The following TTC38 variants were observed in gnomAD, a reference collection of about 807,000 sequenced individuals.
The protein encoded by TTC38 is tetratricopeptide repeat domain 38.
In TTC38, 64 loss-of-function variants were observed where a neutral mutation model predicts 64.2. The ratio of observed to expected loss-of-function variants is 1.00; its 90% CI spans 0.81 to 1.23. The LOEUF (loss-of-function observed/expected upper bound fraction) is 1.23. TTC38 is among the 50% of genes most tolerant of loss of function. TTC38 has a pLI of 0.00. For synonymous variants in TTC38, 254 were observed against 249.3 expected (o/e 1.02, Z -0.18); for missense variants, 573 against 615.5 (o/e 0.93, Z 0.73).
intron 10 of TTC38, 53 bp from the exon 11 acceptor site, chr22:46,288,370 G>C (rs1381739845): frequency 1.3e-6 from 2 of 1,573,164 alleles, no homozygotes; most frequent in African/African-American, 2.7e-5. Flanking sequence ...CCTTGCACGG[G>C]ACATGCCCCA....
rs1936959783 is a variant in TTC38, at chr22:46,274,195, G to A, written c.365+126G>A. 3.6e-6 allele frequency: 3 copies of A among 825,994 alleles called. No homozygotes were observed. Among genetic ancestry groups the A allele is most frequent in the Non-Finnish European group, 5.6e-6 (3 of 533,956 alleles). 51.2% of individuals were successfully genotyped at this position (825,994 alleles called of 1,614,324 possible). Reference sequence around the variant, plus strand: ...GAGAATGCTTCTCTCCCTGCCTCCTGAGATGCTCTGATGGAAAATCGCATC... The same window carrying A: ...GAGAATGCTTCTCTCCCTGCCTCCTAAGATGCTCTGATGGAAAATCGCATC... On this transcript the variant is annotated intron_variant, in intron 4 of 13. Transcript: ENST00000381031. This position sits in a 1 kb window ranked among gnomAD's most constrained non-coding sequence, Gnocchi z 4.8.
Position 46,274,894 on chromosome 22 carries a change from C to T in TTC38, c.366-354C>T, listed in dbSNP as rs577315960. 1.3e-4 allele frequency among the ~76,000 whole-genome samples: 20 copies of T among 152,278 alleles called. No individual in the cohort carries two copies. The highest frequency in any genetic ancestry group is 3.6e-4 in the African/African-American group (15 of 41,556). Reference sequence around the variant, plus strand: ...AGGCTGGAATGCAGTGGCGCAATCTCGGCTCACTGCCTCCACCTCCCGGGT... The same window carrying T: ...AGGCTGGAATGCAGTGGCGCAATCTTGGCTCACTGCCTCCACCTCCCGGGT... On this transcript the variant is annotated intron_variant, in intron 4 of 13. Coordinates refer to ENST00000381031, the MANE Select transcript of TTC38 (RefSeq NM_017931.4). The surrounding 1 kb of genome is among the most constrained non-coding windows in gnomAD (Gnocchi z 4.8).
In TTC38 at chr22:46,289,434, C is replaced by T. The variant is rs1260459183; in HGVS notation, c.1115C>T (p.Ala372Val). ...SPGENCQHLL[A>V]RDVGLPLCQA... ...GGGGAGAACTGCCAGCACCTCCTGG[C>T]CCGAGACGTGGGGCTGCCCCTGTGC... The change falls in exon 12 of 14, where the codon GCC becomes GTC. Residue 372 changes from alanine to valine, a missense_variant. By Grantham distance (64) the Ala-to-Val change is moderately conservative. This residue lies in a region of TTC38 where 371 missense variants were observed against 381.8 expected (regional missense o/e 0.97). Coordinates refer to ENST00000381031, the MANE Select transcript of TTC38 (RefSeq NM_017931.4). 1 of 1,609,578 alleles carries T rather than the reference C, an allele frequency of 6.2e-7. No homozygotes were observed. The highest frequency in any genetic ancestry group is 8.5e-7 in the Non-Finnish European group (1 of 1,179,758).
Position 46,278,781 on chromosome 22 carries a change from C to T in TTC38, c.615+120C>T, listed in dbSNP as rs1298257269. Reference sequence around the variant, plus strand: ...CGAACCCCATCCCTGGTCTCACTTCCTCAGAGAGACTGGGGAGCTCATGTT... The same window carrying T: ...CGAACCCCATCCCTGGTCTCACTTCTTCAGAGAGACTGGGGAGCTCATGTT... On this transcript the variant is annotated intron_variant, in intron 6 of 13. Coordinates refer to ENST00000381031, the MANE Select transcript of TTC38 (RefSeq NM_017931.4). 3.6e-6 allele frequency: 3 copies of T among 822,600 alleles called. No individual in the cohort carries two copies. In the Admixed American group the frequency reaches 5.4e-5, roughly 15 times the overall value. The allele number at this position is 822,600 out of a possible 1,614,324, so 51.0% of individuals were successfully genotyped here. A position where few individuals can be genotyped will look rare whatever the true frequency, so the allele number is the denominator to read the frequency against.
Position 46,276,642 on chromosome 22 carries a change from G to A in TTC38, c.539+1221G>A, listed in dbSNP as rs1362412868. Among the ~76,000 whole-genome samples the A allele has an allele frequency of 6.6e-6, 1 of 151,200 alleles. No individual in the cohort carries two copies. Among genetic ancestry groups the A allele is most frequent in the Non-Finnish European group, 1.5e-5 (1 of 67,914 alleles). ...GAGCCCAGGAGTTTGAGGCTGCAGTGAGCTGGCGATCATGCCACTGCACTC... is the reference window on the plus strand; with the variant it reads ...GAGCCCAGGAGTTTGAGGCTGCAGTAAGCTGGCGATCATGCCACTGCACTC... On this transcript the variant is annotated intron_variant, in intron 5 of 13. Transcript: ENST00000381031. The surrounding 1 kb of genome is among the most constrained non-coding windows in gnomAD (Gnocchi z 4.7).
chr22:46,273,118 G>A lies in TTC38; in HGVS notation c.193+702G>A, dbSNP rs528187812. ...GAAGACAAACAAGGAAATAACTGGGGGAGAACGGGGGAGCCAAACCCAGTC... is the reference window on the plus strand; with the variant it reads ...GAAGACAAACAAGGAAATAACTGGGAGAGAACGGGGGAGCCAAACCCAGTC... On this transcript the variant is annotated intron_variant, in intron 3 of 13. Transcript: ENST00000381031. The surrounding 1 kb of genome is among the most constrained non-coding windows in gnomAD (Gnocchi z 5.1). 6.6e-6 allele frequency among the ~76,000 whole-genome samples: 1 copy of A among 152,220 alleles called. No individual in the cohort carries two copies. The highest frequency in any genetic ancestry group is 1.5e-5 in the Non-Finnish European group (1 of 68,024).
chr22:46,268,922 C>A (rs1225912910), intron 2 of TTC38: 5 of 342,994 alleles, frequency 1.5e-5, no homozygotes, highest in Non-Finnish European at 2.9e-5. Flanking sequence ...CTCCTGACCT[C>A]GTGATCCGCC....
At chr22:46,284,910 T>C (rs2077560787) in intron 8 of TTC38, among the ~76,000 whole-genome samples, 1 of 127,044 alleles carries the variant, frequency 7.9e-6, no homozygotes, top group Non-Finnish European at 1.7e-5. Context: ...TAGAAAGAAA[T>C]ACATGAAAAA....
rs1384120474 is a variant in TTC38 at position 46,291,343 on chromosome 22, G to A, written c.1316+1444G>A. ...GAGCTGGGGTGACATCTGTGGGGCA[G>A]TGCGGCAGTGCCGATGTGGCCTTCT... On this transcript the variant is annotated intron_variant, in intron 13 of 13. Coordinates refer to ENST00000381031, the MANE Select transcript of TTC38 (RefSeq NM_017931.4). This position sits in a 1 kb window ranked among gnomAD's most constrained non-coding sequence, Gnocchi z 4.6. 6.6e-6 allele frequency among the ~76,000 whole-genome samples: 1 copy of A among 152,164 alleles called. No individual in the cohort carries two copies.
At chr22:46,287,595 G>A (rs913925750) in intron 10 of TTC38, among the ~76,000 whole-genome samples, 2 of 152,234 alleles carry the variant, frequency 1.3e-5, no homozygotes, top group Admixed American at 6.5e-5. Context: ...GTAGCCTGGA[G>A]GGACCAACCA....
At position 46,274,065 on chromosome 22, in the gene TTC38, A is replaced by G. The variant is rs751957539; in HGVS notation, c.361A>G (p.Asn121Asp). The G allele has an allele frequency of 1.4e-6, 2 of 1,465,648 alleles. No homozygotes were observed. Among genetic ancestry groups the G allele is most frequent in the African/African-American group, 1.4e-5 (1 of 69,570 alleles). 90.8% of individuals were successfully genotyped at this position (1,465,648 alleles called of 1,614,324 possible). A position where few individuals can be genotyped will look rare whatever the true frequency, so the allele number is the denominator to read the frequency against. ...CGTGTCTGCAGTAGAGACATTTGCCAATGGGTGAGGGGCCTCCCTGGGCTG... is the reference window on the plus strand; with the variant it reads ...CGTGTCTGCAGTAGAGACATTTGCCGATGGGTGAGGGGCCTCCCTGGGCTG... Reference protein sequence around the residue: ...LHVSAVETFANGNFPKACELW... With the variant: ...LHVSAVETFADGNFPKACELW... Residue 121 changes from asparagine (N) to aspartate (D), a missense_variant, in exon 4 of 14, where the codon AAT becomes GAT. Asn to Asp is a conservative substitution (Grantham distance 23). Transcript: ENST00000381031. This position sits in a 1 kb window ranked among gnomAD's most constrained non-coding sequence, Gnocchi z 4.8.
intron 8 of TTC38, among the ~76,000 whole-genome samples, 159 bp downstream of exon 8, chr22:46,284,191 A>AT (rs915674454): frequency 3.9e-5 from 6 of 152,112 alleles, no homozygotes; most frequent in Non-Finnish European, 7.3e-5. Context: ...CTTTTTAGGG[A>AT]TTTTTTCACT....
In TTC38 at chr22:46,268,038, A is replaced by C. The variant is rs758531013; in HGVS notation, c.-2A>C. The C allele has an allele frequency of 6.5e-7, 1 of 1,541,082 alleles. No individual in the cohort carries two copies. The highest frequency in any genetic ancestry group is 1.9e-5 in the Admixed American group (1 of 51,970). On this transcript the variant is annotated 5_prime_UTR_variant, in exon 1 of 14. Transcript: ENST00000381031. ...TCGCGGTGGACTCCGACCCGGCGCA[A>C]CATGGCCGCAGCCTCGCCTCTGCGC... is the stretch of plus-strand genomic sequence containing the variant.
chr22:46,268,979 GC>G, intron 2 of TTC38: 3 of 343,194 alleles, frequency 8.7e-6, no homozygotes, highest in Middle Eastern at 1.1e-3. Flanking sequence ...GAGCCACCGC[GC>G]CCGGCCATGG....
intron 8 of TTC38, among the ~76,000 whole-genome samples, chr22:46,284,475 G>A (rs1375417120): frequency 3.9e-5 from 6 of 152,340 alleles, no homozygotes; most frequent in African/African-American, 7.2e-5. Flanking sequence ...CATAAAGTGA[G>A]AAATGCTGAG....
intron 2 of TTC38, chr22:46,268,874 A>G: frequency 2.6e-6 from 1 of 377,900 alleles, no homozygotes; most frequent in Non-Finnish European, 5.1e-6. Context: ...TTTTTAGTAG[A>G]GACGGGGTTT....
intron 6 of TTC38, among the ~76,000 whole-genome samples, chr22:46,280,492 T>C (rs1489263400): frequency 2.0e-5 from 3 of 152,200 alleles, no homozygotes; most frequent in South Asian, 4.1e-4. Context: ...ACTCCTGCCA[T>C]TCGTGAAAGC....
chr22:46,269,859 C>G (rs138553551), intron 2 of TTC38, among the ~76,000 whole-genome samples: 22 of 152,332 alleles, frequency 1.4e-4, no homozygotes, highest in African/African-American at 5.1e-4. Flanking sequence ...ATGGCGCAGT[C>G]TTGACTCACT....
chr22:46,274,215 C>T lies in TTC38; in HGVS notation c.365+146C>T, dbSNP rs1245246588. ...CTCCTGAGATGCTCTGATGGAAAAT[C>T]GCATCCTGTCTGCTTCCCTATTCTT... is the stretch of plus-strand genomic sequence containing the variant. On this transcript the variant is annotated intron_variant, in intron 4 of 13. Transcript: ENST00000381031. This position sits in a 1 kb window ranked among gnomAD's most constrained non-coding sequence, Gnocchi z 4.8. 4 of 729,952 alleles carry T rather than the reference C, an allele frequency of 5.5e-6. No individual in the cohort carries two copies. Among genetic ancestry groups the T allele is most frequent in the African/African-American group, 1.8e-5 (1 of 56,246 alleles). The allele number at this position is 729,952 out of a possible 1,614,324, so 45.2% of individuals were successfully genotyped here.
Sources: allele counts gnomAD v4.1 joint callset (sites outside exome capture counted in the v4.1 genomes callset), GRCh38; gene constraint gnomAD v4.1.1; regional missense constraint gnomAD v4.1.1; non-coding constraint Gnocchi (gnomAD v3.1); transcripts MANE v1.5; gene names NCBI Gene and HGNC (gene_info 2026-07-23, HGNC 2026-07-21).